LINGO2: variants seen among roughly 807,000 people sequenced by gnomAD.
LINGO2 encodes the protein leucine-rich repeat and immunoglobulin-like domain-containing nogo receptor-interacting protein 2.
In LINGO2, 14 loss-of-function variants were observed where a neutral mutation model predicts 30.6. The ratio of observed to expected loss-of-function variants is 0.46; its 90% confidence interval spans 0.30 to 0.72. LINGO2 has a LOEUF of 0.72. LINGO2 is among the 30% of genes least tolerant of loss of function. The pLI is 0.07. For synonymous variants in LINGO2, 317 were observed against 288.5 expected (o/e 1.10, Z -1.00); for missense variants, 729 against 751.7 (o/e 0.97, Z 0.35).
intron 3 of LINGO2, among the ~76,000 whole-genome samples, chr9:28,350,574 A>G (rs1304643096): frequency 6.8e-6 from 1 of 146,220 alleles, no homozygotes; most frequent in East Asian, 2.0e-4. Context: ...CCCCACTGTC[A>G]ACATTAGACA....
intron 4 of LINGO2, among the ~76,000 whole-genome samples, chr9:28,088,595 G>A (rs994245727): frequency 2.0e-5 from 3 of 151,930 alleles, no homozygotes; most frequent in African/African-American, 7.2e-5. Context: ...ACATATGGAA[G>A]ACCACAGAAA....
intron 4 of LINGO2, among the ~76,000 whole-genome samples, chr9:28,037,354 A>C (rs996832428): frequency 2.6e-5 from 4 of 152,064 alleles, no homozygotes; most frequent in Non-Finnish European, 5.9e-5. Flanking sequence ...AGTAAGACTA[A>C]ATTGCTTACT....
At chr9:28,584,536 A>G (rs1824432315) in intron 1 of LINGO2, among the ~76,000 whole-genome samples, 1 of 152,002 alleles carries the variant, frequency 6.6e-6, no homozygotes, top group East Asian at 1.9e-4. Flanking sequence ...TGTTGAATAT[A>G]GTAAGGAATT....
intron 2 of LINGO2, among the ~76,000 whole-genome samples, chr9:28,421,721 A>T (rs1823207140): frequency 6.6e-6 from 1 of 152,118 alleles, no homozygotes; most frequent in Non-Finnish European, 1.5e-5. Flanking sequence ...AAATTCATAC[A>T]TAAGCGTACC....
At chr9:28,884,966 T>G in the LINGO2 span, among the ~76,000 whole-genome samples, 1 of 15,150 alleles carries the variant, frequency 6.6e-5, no homozygotes, top group East Asian at 1.9e-3. Flanking sequence ...ATATTTTATA[T>G]ATATAATATA....
chr9:28,685,541 A>G, the LINGO2 span, among the ~76,000 whole-genome samples: 1 of 151,886 alleles, frequency 6.6e-6, no homozygotes, highest in African/African-American at 2.4e-5. Context: ...TTTTATTTGA[A>G]TCTATTATAC....
intron 2 of LINGO2, among the ~76,000 whole-genome samples, chr9:28,445,733 A>G (rs1241287930): frequency 6.6e-6 from 1 of 152,212 alleles, no homozygotes; most frequent in Non-Finnish European, 1.5e-5. Context: ...AAATTTAAGA[A>G]TATACAAGGC....
the LINGO2 span, among the ~76,000 whole-genome samples, chr9:28,847,280 A>C: frequency 0.74 from 108,376 of 147,158 alleles, 42,191 homozygotes; most frequent in East Asian, 0.88. Flanking sequence ...CAATATTATA[A>C]CAGCACAATT....
At chr9:28,005,475 C>T (rs35394040) in intron 5 of LINGO2, among the ~76,000 whole-genome samples, 19,291 of 152,098 alleles carry the variant, frequency 0.13, 1,382 homozygotes, top group South Asian at 0.2. Flanking sequence ...TTTCCCTCTA[C>T]TTTTCTTCCC....
chr9:28,953,834 T>C, the LINGO2 span, among the ~76,000 whole-genome samples: 1 of 152,258 alleles, frequency 6.6e-6, no homozygotes, highest in African/African-American at 2.4e-5. Flanking sequence ...ATCAAATAAC[T>C]TTTCATATTA....
chr9:28,278,166 C>T (rs1823195799), intron 4 of LINGO2, among the ~76,000 whole-genome samples: 1 of 152,030 alleles, frequency 6.6e-6, no homozygotes, highest in South Asian at 2.1e-4. Flanking sequence ...AAGAAAGCTG[C>T]AGGAAAAAAA....
intron 2 of LINGO2, among the ~76,000 whole-genome samples, chr9:28,399,357 C>T (rs1239038807): frequency 6.6e-6 from 1 of 152,020 alleles, no homozygotes; most frequent in African/African-American, 2.4e-5. Context: ...TTTGTCATAA[C>T]ATTCGTTATG....
chr9:28,067,969 C>A (rs1458731150), intron 4 of LINGO2, among the ~76,000 whole-genome samples: 1 of 152,066 alleles, frequency 6.6e-6, no homozygotes, highest in Non-Finnish European at 1.5e-5. Context: ...GTATCCTGAA[C>A]TTAGCAGTAA....
the LINGO2 span, among the ~76,000 whole-genome samples, chr9:28,820,329 A>G: frequency 1.3e-5 from 2 of 152,188 alleles, no homozygotes; most frequent in Non-Finnish European, 2.9e-5. Context: ...GAGACCCTTT[A>G]GAGAATTTTC....
At chr9:28,468,222 T>C (rs1825386947) in intron 2 of LINGO2, among the ~76,000 whole-genome samples, 1 of 152,186 alleles carries the variant, frequency 6.6e-6, no homozygotes, top group Non-Finnish European at 1.5e-5. Context: ...CTTTGCCCCA[T>C]TCTTTATCCT....
intron 4 of LINGO2, among the ~76,000 whole-genome samples, chr9:28,128,280 C>T (rs1365931798): frequency 6.6e-6 from 1 of 152,204 alleles, no homozygotes; most frequent in Non-Finnish European, 1.5e-5. Context: ...TCAATCAGTG[C>T]TCTTTCCATC....
chr9:28,973,265 G>T, the LINGO2 span, among the ~76,000 whole-genome samples: 1 of 152,070 alleles, frequency 6.6e-6, no homozygotes, highest in Non-Finnish European at 1.5e-5. Context: ...CAAGGATAAA[G>T]AAAAGATCCT....
At chr9:28,069,778 G>T (rs1825418936) in intron 4 of LINGO2, among the ~76,000 whole-genome samples, 1 of 152,190 alleles carries the variant, frequency 6.6e-6, no homozygotes, top group South Asian at 2.1e-4. Context: ...TCCAACTTAT[G>T]AGGTCTCCCC....
chr9:28,022,596 C>A (rs1936306), intron 4 of LINGO2, among the ~76,000 whole-genome samples: 9 of 152,082 alleles, frequency 5.9e-5, no homozygotes, highest in African/African-American at 2.2e-4. Context: ...TCCCTTTCAA[C>A]AGTTTAAATA....
Sources: allele counts gnomAD v4.1 joint callset (sites outside exome capture counted in the v4.1 genomes callset), GRCh38; gene constraint gnomAD v4.1.1; transcripts MANE v1.5; gene names NCBI Gene and HGNC (gene_info 2026-07-23, HGNC 2026-07-21).